NPM3: variants seen among roughly 807,000 people sequenced by gnomAD.
The protein encoded by NPM3 is nucleophosmin/nucleoplasmin 3, also known as nucleoplasmin-3.
NPM3 carries 12 observed loss-of-function variants against 18.1 expected under a neutral mutation model. The observed-to-expected ratio is 0.66, with a 90% CI of 0.42 to 1.07. NPM3 has a LOEUF of 1.07. NPM3 is among the 50% of genes least tolerant of loss of function. The pLI, the probability that NPM3 is intolerant of heterozygous loss-of-function variation, is 0.00. For missense variants in NPM3, 274 were observed against 232.1 expected (o/e 1.18, Z -1.17); for synonymous variants, 116 against 93.7 (o/e 1.24, Z -1.38).
chr10:101,783,390 T>G (rs200158458), exon 1 of NPM3: 19 of 1,603,996 alleles, frequency 1.2e-5, no homozygotes, highest in Non-Finnish European at 1.5e-5. Flanking sequence ...CCGGCGGCCA[T>G]GCTGTAAGAG....
At chr10:101,781,736 C>A (rs780592483) in exon 5 of NPM3, 2 of 1,613,998 alleles carry the variant, frequency 1.2e-6, no homozygotes, top group East Asian at 2.2e-5. Flanking sequence ...CCTAGGAGGG[C>A]TAGGGCCTGC....
Position 101,783,376 on chromosome 10 carries a change from A to AGT in NPM3, c.13_14dup (p.Ala6LeufsTer5). On this transcript the variant is annotated frameshift_variant, in exon 1 of 6. Transcript: ENST00000370110. LOFTEE classifies it high-confidence loss of function. ...GACTCAAAAACGCTAAGGCAGCTGC[A>AGT]GTACCGGCGGCCATGCTGTAAGAGC... 1 of 1,609,998 alleles carries AGT rather than the reference A, an allele frequency of 6.2e-7. No homozygotes were observed. Among genetic ancestry groups the AGT allele is most frequent in the South Asian group, 1.1e-5 (1 of 90,740 alleles).
exon 1 of NPM3, chr10:101,783,385 G>T (rs781411854): frequency 3.1e-6 from 5 of 1,606,230 alleles, no homozygotes; most frequent in African/African-American, 1.3e-5. Flanking sequence ...CAGTACCGGC[G>T]GCCATGCTGT....
exon 3 of NPM3, chr10:101,782,483 G>T (rs1221197409): frequency 1.9e-6 from 3 of 1,611,614 alleles, no homozygotes; most frequent in East Asian, 2.2e-5. Context: ...CTCACCATGG[G>T]TTGGCAGGAC....
At chr10:101,783,332 G>T (rs778208559) in exon 1 of NPM3, 5 of 1,612,684 alleles carry the variant, frequency 3.1e-6, no homozygotes, top group Non-Finnish European at 4.2e-6. Context: ...GACACCCCCG[G>T]CCCGCGTTCG....
rs754479783 is a variant in NPM3 at position 101,782,358 on chromosome 10, G to C, written c.325-7C>G. Reference sequence around the variant, plus strand: ...GGAAGTCATCCAGACTGAGCTGGGAGGAAGACAAGGATGAAGGCCTGGCCC... The same window carrying C: ...GGAAGTCATCCAGACTGAGCTGGGACGAAGACAAGGATGAAGGCCTGGCCC... On this transcript the variant is annotated splice_polypyrimidine_tract_variant and splice_region_variant and intron_variant, in intron 3 of 5. Coordinates refer to ENST00000370110, the Ensembl canonical transcript of NPM3. 2 of 1,613,272 alleles carry C rather than the reference G, an allele frequency of 1.2e-6. No homozygotes were observed. Among genetic ancestry groups the C allele is most frequent in the Admixed American group, 1.7e-5 (1 of 59,874 alleles).
At position 101,781,800 on chromosome 10, in the gene NPM3, CT is replaced by C; in HGVS notation, c.472del (p.Ser158ValfsTer81). On this transcript the variant is annotated frameshift_variant, in exon 5 of 6. Coordinates refer to ENST00000370110, the Ensembl canonical transcript of NPM3. LOFTEE classifies it high-confidence loss of function. ...GCACAGCTCAACTTCTTCCTCATCA[CT>C]GTCCTCTTCCTCTTCCTCGCTCTCC... 6.2e-7 allele frequency: 1 copy of C among 1,614,230 alleles called. No homozygotes were observed. Among genetic ancestry groups the C allele is most frequent in the Non-Finnish European group, 8.5e-7 (1 of 1,180,038 alleles).
Position 101,781,771 on chromosome 10 carries a change from T to TG in NPM3, c.501dup (p.Ile168HisfsTer30). The stretch of plus-strand genomic sequence containing the variant: ...CCCCCCTGCTTTTTGGCAGGAAGGA[T>TG]GGGGCACAGCTCAACTTCTTCCTCA... On this transcript the variant is annotated frameshift_variant, in exon 5 of 6. Transcript: ENST00000370110. LOFTEE classifies it high-confidence loss of function. 1 of 1,614,124 alleles carries TG rather than the reference T, an allele frequency of 6.2e-7. No individual in the cohort carries two copies. Among genetic ancestry groups the TG allele is most frequent in the South Asian group, 1.1e-5 (1 of 91,082 alleles).
At chr10:101,783,310 C>T (rs760580743) in exon 1 of NPM3, 4 of 1,612,722 alleles carry the variant, frequency 2.5e-6, no homozygotes, top group Non-Finnish European at 3.4e-6. Context: ...GGGCCGGGAC[C>T]CGTAGGCCCC....
At chr10:101,782,640 GT>G (rs771016570) in intron 2 of NPM3, 43 bp from the exon 3 acceptor site, 1 of 1,611,540 alleles carries the variant, frequency 6.2e-7, no homozygotes, top group South Asian at 1.1e-5. Context: ...TCAAGTGAGG[GT>G]TGACACCACA....
At chr10:101,781,950 G>A (rs1456484974) in intron 4 of NPM3, 96 bp from the exon 5 acceptor site, 1 of 1,603,004 alleles carries the variant, frequency 6.2e-7, no homozygotes. Context: ...AGGCTTACAG[G>A]GACCATGACC....
At chr10:101,783,221 C>T (rs549336193) in intron 1 of NPM3, 52 bp downstream of exon 1, 9 of 1,338,340 alleles carry the variant, frequency 6.7e-6, no homozygotes, top group Admixed American at 2.1e-5. Flanking sequence ...CGCCTCACAT[C>T]CCTACCTCTT....
chr10:101,781,759 T>C lies in NPM3; in HGVS notation c.514A>G (p.Lys172Glu), dbSNP rs768569884. ...GGCTAGGGCCTGCCCCCCTGCTTTT[T>C]GGCAGGAAGGATGGGGCACAGCTCA... Residue 172 changes from lysine to glutamate, a missense_variant, in exon 5 of 6, where the codon AAA becomes GAA. Transcript: ENST00000370110. The C allele has an allele frequency of 5.6e-5, 90 of 1,614,046 alleles. 1 individual carries two copies. The South Asian group carries it at 9.8e-4, about 18-fold the overall frequency.
chr10:101,783,420 C>G, upstream of NPM3: 1 of 1,504,734 alleles, frequency 6.6e-7, no homozygotes, highest in South Asian at 1.2e-5. Context: ...AACTCCGCCC[C>G]CGACACGCAC....
chr10:101,783,435 C>T (rs761897163), upstream of NPM3: 6 of 1,441,910 alleles, frequency 4.2e-6, no homozygotes, highest in Non-Finnish European at 5.7e-6. Flanking sequence ...ACGCACAAAG[C>T]CGGGGACCCT....
At chr10:101,782,324 G>T (rs1449233463) in exon 4 of NPM3, 1 of 1,614,010 alleles carries the variant, frequency 6.2e-7, no homozygotes, top group Admixed American at 1.7e-5. Flanking sequence ...GTTACAGGTG[G>T]TTGGAGCTGG....
chr10:101,783,309 C>A, exon 1 of NPM3: 2 of 1,612,480 alleles, frequency 1.2e-6, no homozygotes. Context: ...GGGGCCGGGA[C>A]CCGTAGGCCC....
chr10:101,783,244 C>T (rs1384516964), intron 1 of NPM3, 29 bp downstream of exon 1: 2 of 1,504,540 alleles, frequency 1.3e-6, no homozygotes, highest in Non-Finnish European at 1.8e-6. Context: ...CGCCCCAGTA[C>T]CACCCTCAGC....
chr10:101,781,609 C>G, exon 6 of NPM3: 1 of 788,576 alleles, frequency 1.3e-6, no homozygotes, highest in South Asian at 1.7e-5. Context: ...GGGTGCATGG[C>G]GGTGCATGGC....
Sources: gnomAD v4.1 joint callset for allele counts on GRCh38, gnomAD v4.1.1 for gene constraint, MANE v1.5 for transcripts, NCBI Gene and HGNC (gene_info 2026-07-23, HGNC 2026-07-21) for gene names.